The following AKT3 variants were observed in gnomAD, a reference collection of about 807,000 sequenced individuals.
AKT3 encodes the protein AKT serine/threonine kinase 3.
A neutral mutation model predicts 65.3 loss-of-function variants in AKT3; 15 were observed. The observed-to-expected ratio is 0.23, with a 90% confidence interval of 0.15 to 0.35. AKT3 has a LOEUF of 0.35. Among genes scored for constraint, AKT3 ranks in the 10% least tolerant of loss-of-function variants. The pLI is 1.00. For synonymous variants in AKT3, 206 were observed against 183.8 expected, an observed-to-expected ratio of 1.12 and a Z score of -0.98; for missense variants, 243 against 576.5, an observed-to-expected ratio of 0.42 and a Z score of 5.92.
chr1:243,822,168 T>A (rs1693894384), intron 2 of AKT3, among the ~76,000 whole-genome samples: 1 of 152,200 alleles, frequency 6.6e-6, no homozygotes, highest in African/African-American at 2.4e-5. Flanking sequence ...AACTTGCTCC[T>A]GAATGACTCC....
chr1:243,626,608 T>C (rs1024534239), intron 6 of AKT3, among the ~76,000 whole-genome samples: 4 of 152,126 alleles, frequency 2.6e-5, no homozygotes, highest in Non-Finnish European at 5.9e-5. Flanking sequence ...CTGAAGGCCA[T>C]ATGCACACCT....
At chr1:243,767,206 T>C (rs1041337196) in intron 2 of AKT3, among the ~76,000 whole-genome samples, 1 of 152,060 alleles carries the variant, frequency 6.6e-6, no homozygotes, top group Non-Finnish European at 1.5e-5. Flanking sequence ...CACAGTCCAA[T>C]GCAGCAATGA....
intron 3 of AKT3, among the ~76,000 whole-genome samples, chr1:243,693,291 T>A (rs1474226816): frequency 4.3e-5 from 5 of 117,512 alleles, no homozygotes; most frequent in African/African-American, 1.3e-4. Context: ...TATATATATA[T>A]ATAACATTTC....
chr1:243,654,164 TATA>T (rs887132526), intron 4 of AKT3, among the ~76,000 whole-genome samples: 72 of 152,244 alleles, frequency 4.7e-4, no homozygotes, highest in African/African-American at 1.6e-3. Context: ...TAACTTAAAT[TATA>T]ATATTTAACT....
chr1:243,675,481 G>A (rs755188771), intron 3 of AKT3, among the ~76,000 whole-genome samples: 1 of 152,170 alleles, frequency 6.6e-6, no homozygotes, highest in South Asian at 2.1e-4. Context: ...GATTACAGGC[G>A]TGAGCCACTA....
chr1:243,784,321 G>C (rs1272474799), intron 2 of AKT3, among the ~76,000 whole-genome samples: 1 of 151,980 alleles, frequency 6.6e-6, no homozygotes, highest in African/African-American at 2.4e-5. Flanking sequence ...CAGGGAATGA[G>C]GGGGTGAGTA....
intron 1 of AKT3, among the ~76,000 whole-genome samples, chr1:243,843,888 G>A (rs1048489684): frequency 2.0e-5 from 3 of 151,962 alleles, no homozygotes; most frequent in African/African-American, 7.3e-5. Flanking sequence ...CTGACCTCAT[G>A]ATCCACCCGC....
intron 2 of AKT3, among the ~76,000 whole-genome samples, chr1:243,793,838 T>G (rs1691781596): frequency 6.6e-6 from 1 of 151,208 alleles, no homozygotes; most frequent in South Asian, 2.1e-4. Context: ...GTCTAGGAGC[T>G]CGACTGAGTA....
intron 2 of AKT3, among the ~76,000 whole-genome samples, chr1:243,793,932 T>C (rs1205462762): frequency 6.6e-6 from 1 of 152,146 alleles, no homozygotes; most frequent in East Asian, 1.9e-4. Context: ...CCAGAAACAT[T>C]AGAAATTTAC....
chr1:243,540,564 C>T (rs986118607), intron 12 of AKT3, among the ~76,000 whole-genome samples: 1 of 152,064 alleles, frequency 6.6e-6, no homozygotes, highest in Non-Finnish European at 1.5e-5. Flanking sequence ...ATGCCCTTTA[C>T]CCACCTTCCT....
At chr1:243,537,329 A>C (rs955996863) in intron 12 of AKT3, among the ~76,000 whole-genome samples, 2 of 152,050 alleles carry the variant, frequency 1.3e-5, no homozygotes, top group Non-Finnish European at 2.9e-5. Context: ...GAATTTCCAG[A>C]CATATTTATT....
intron 10 of AKT3, among the ~76,000 whole-genome samples, chr1:243,561,710 T>C (rs1411906494): frequency 6.6e-6 from 1 of 152,160 alleles, no homozygotes; most frequent in Non-Finnish European, 1.5e-5. Context: ...AATAACTGTA[T>C]TGGAGTTTGA....
At chr1:243,730,418 G>C (rs1687479774) in intron 2 of AKT3, among the ~76,000 whole-genome samples, 1 of 152,184 alleles carries the variant, frequency 6.6e-6, no homozygotes, top group South Asian at 2.1e-4. Flanking sequence ...CCCAACAGTG[G>C]GCATGAAAAG....
chr1:243,648,256 TAAAAAAAAAAAAAAGAAA>T (rs1680998072), intron 4 of AKT3, among the ~76,000 whole-genome samples: 1 of 127,070 alleles, frequency 7.9e-6, no homozygotes, highest in Non-Finnish European at 1.7e-5. Flanking sequence ...AGACTCCGTC[TAAAAAAAAAAAAAAGAAA>T]AGAAAAGAAA....
chr1:243,574,034 T>C (rs1261221507), intron 8 of AKT3, among the ~76,000 whole-genome samples: 2 of 152,168 alleles, frequency 1.3e-5, no homozygotes, highest in East Asian at 1.9e-4. Flanking sequence ...TGGTTATTAA[T>C]AGATACACAA....
intron 9 of AKT3, among the ~76,000 whole-genome samples, chr1:243,569,583 C>CA (rs535747470): frequency 1.2e-4 from 19 of 152,154 alleles, no homozygotes; most frequent in Non-Finnish European, 2.1e-4. Flanking sequence ...TCTCTGAAGC[C>CA]ACCCCTTCGT....
chr1:243,689,032 C>G lies in AKT3; in HGVS notation c.172+6559G>C, dbSNP rs146675750. On this transcript the variant is annotated intron_variant, in intron 3 of 13. Coordinates refer to ENST00000673466, the MANE Select transcript of AKT3 (RefSeq NM_005465.7). ...TCTCCTGAGTAAATTCTCAGTCAAC[C>G]TCGCCAACACTTACCTATTGCTTCT... 2.0e-5 allele frequency among the ~76,000 whole-genome samples: 3 copies of G among 152,286 alleles called. No individual in the cohort carries two copies. The East Asian group carries it at 5.8e-4, about 29-fold the overall frequency.
intron 2 of AKT3, among the ~76,000 whole-genome samples, chr1:243,706,386 T>C (rs1159743219): frequency 1.3e-5 from 2 of 152,182 alleles, no homozygotes; most frequent in East Asian, 1.9e-4. Context: ...AGGCAGGCTG[T>C]AGTGCTTGCT....
chr1:243,770,158 G>A (rs769330042), intron 2 of AKT3, among the ~76,000 whole-genome samples: 8 of 152,070 alleles, frequency 5.3e-5, no homozygotes, highest in Non-Finnish European at 1.0e-4. Context: ...ATATTCCATT[G>A]ATCTACTTCT....
Sources: gnomAD v4.1 joint callset for allele counts (sites outside exome capture counted in the v4.1 genomes callset) on GRCh38, gnomAD v4.1.1 for gene constraint, MANE v1.5 for transcripts, NCBI Gene and HGNC (gene_info 2026-07-23, HGNC 2026-07-21) for gene names.